The following CELF2 variants were observed in gnomAD, a reference collection of about 807,000 sequenced individuals.
CELF2 encodes CUG triplet repeat RNA-binding protein 2.
CELF2 carries 8 observed loss-of-function variants against 62.6 expected under a neutral mutation model. That is an observed-to-expected ratio of 0.13 (90% confidence interval 0.07 to 0.23). The LOEUF (loss-of-function observed/expected upper bound fraction) is 0.23, where lower values mean the gene tolerates loss of function less well. Ranked by LOEUF, CELF2 falls within the 10% of genes least tolerant of loss-of-function variation. The pLI, the probability that CELF2 is intolerant of heterozygous loss-of-function variation, is 1.00. For synonymous variants in CELF2, 258 were observed against 250.0 expected (o/e 1.03, Z -0.30); for missense variants, 333 against 671.0 (o/e 0.50, Z 5.56).
chr10:10,736,309 T>C, the CELF2 span, among the ~76,000 whole-genome samples: 1 of 152,120 alleles, frequency 6.6e-6, no homozygotes, highest in African/African-American at 2.4e-5. Flanking sequence ...GGTTTTGGTT[T>C]GTTTTTGGCT....
Position 11,290,176 on chromosome 10 carries a change from G to A in CELF2, c.976+1624G>A, listed in dbSNP as rs1224768280. 5.3e-5 allele frequency among the ~76,000 whole-genome samples: 8 copies of A among 152,098 alleles called. No individual in the cohort carries two copies. Among genetic ancestry groups the A allele is most frequent in the East Asian group, 1.9e-4 (1 of 5,192 alleles). On this transcript the variant is annotated intron_variant, in intron 9 of 12. Transcript: ENST00000633077. This position sits in a 1 kb window ranked among gnomAD's most constrained non-coding sequence, Gnocchi z 4.3. ...CAGGACAGATGTGCTGCCTACCTTCGGGAGTCCTTCAGTCCTTCAGGGACT... is the reference window on the plus strand; with the variant it reads ...CAGGACAGATGTGCTGCCTACCTTCAGGAGTCCTTCAGTCCTTCAGGGACT...
At chr10:11,027,181 T>C (rs1234161320) in intron 1 of CELF2, among the ~76,000 whole-genome samples, 1 of 152,248 alleles carries the variant, frequency 6.6e-6, no homozygotes, top group African/African-American at 2.4e-5. Context: ...TGAATGCTGC[T>C]GGCAGCTCTG....
At chr10:10,707,120 A>C in the CELF2 span, among the ~76,000 whole-genome samples, 1 of 152,186 alleles carries the variant, frequency 6.6e-6, no homozygotes, top group Non-Finnish European at 1.5e-5. Flanking sequence ...TCAATGTATC[A>C]ATCTGGCTTA....
At chr10:10,588,357 C>T in the CELF2 span, among the ~76,000 whole-genome samples, 1 of 152,192 alleles carries the variant, frequency 6.6e-6, no homozygotes, top group African/African-American at 2.4e-5. Context: ...AACCTTGTCC[C>T]ACACTGGCTG....
the CELF2 span, among the ~76,000 whole-genome samples, chr10:10,656,065 T>A: frequency 1.3e-5 from 2 of 148,874 alleles, no homozygotes; most frequent in Admixed American, 6.7e-5. Flanking sequence ...GCGAAGGACA[T>A]GAACAGACAC....
intron 3 of CELF2, among the ~76,000 whole-genome samples, chr10:11,232,339 A>G (rs1418505590): frequency 2.6e-5 from 4 of 152,204 alleles, no homozygotes; most frequent in Non-Finnish European, 5.9e-5. Flanking sequence ...TCAGTGACAC[A>G]TTTTTGGAGA....
chr10:11,264,159 A>G (rs1010293972), intron 5 of CELF2, among the ~76,000 whole-genome samples: 1 of 152,204 alleles, frequency 6.6e-6, no homozygotes, highest in African/African-American at 2.4e-5. Flanking sequence ...CATGTTTTTA[A>G]TTGCACGGTT....
At chr10:10,913,869 A>AGGAAGGAAGGAAGGAG (rs2064064449) in intron 1 of CELF2, among the ~76,000 whole-genome samples, 1 of 119,042 alleles carries the variant, frequency 8.4e-6, no homozygotes, top group Admixed American at 8.8e-5. Flanking sequence ...GAAGGAAGGA[A>AGGAAGGAAGGAAGGAG]GGAAGGAAGG....
chr10:10,464,111 C>G, the CELF2 span, among the ~76,000 whole-genome samples: 2 of 152,102 alleles, frequency 1.3e-5, no homozygotes, highest in Non-Finnish European at 2.9e-5. Flanking sequence ...AGCTCTGAAC[C>G]ATGCCGCCCC....
chr10:10,546,599 G>A, the CELF2 span, among the ~76,000 whole-genome samples: 1 of 152,096 alleles, frequency 6.6e-6, no homozygotes, highest in South Asian at 2.1e-4. Context: ...AAGGGTAGTG[G>A]GCCAGCTCAT....
chr10:10,670,772 A>C, the CELF2 span, among the ~76,000 whole-genome samples: 1 of 152,190 alleles, frequency 6.6e-6, no homozygotes, highest in African/African-American at 2.4e-5. Flanking sequence ...ACCCTTGACA[A>C]CCACACTAAT....
intron 2 of CELF2, among the ~76,000 whole-genome samples, chr10:11,187,125 C>A (rs2075152464): frequency 6.6e-6 from 1 of 152,120 alleles, no homozygotes; most frequent in Non-Finnish European, 1.5e-5. Flanking sequence ...CTTGTTCTAT[C>A]AGTTATTGAG....
At chr10:10,789,434 A>G in the CELF2 span, among the ~76,000 whole-genome samples, 12 of 152,234 alleles carry the variant, frequency 7.9e-5, no homozygotes, top group African/African-American at 2.9e-4. Flanking sequence ...TTATTAATAT[A>G]ATTAATACTA....
At chr10:10,553,660 A>G in the CELF2 span, among the ~76,000 whole-genome samples, 1 of 152,282 alleles carries the variant, frequency 6.6e-6, no homozygotes, top group Non-Finnish European at 1.5e-5. Flanking sequence ...GAAGTCAAAG[A>G]GGTCTTTCTC....
At chr10:10,780,241 A>G in the CELF2 span, among the ~76,000 whole-genome samples, 16 of 152,278 alleles carry the variant, frequency 1.1e-4, no homozygotes, top group South Asian at 3.1e-3. Context: ...GAGCCAACTA[A>G]CCATTTTATA....
At chr10:11,313,071 A>C (rs2094666895) in intron 9 of CELF2, among the ~76,000 whole-genome samples, 1 of 152,238 alleles carries the variant, frequency 6.6e-6, no homozygotes, top group South Asian at 2.1e-4. Flanking sequence ...AGATGTAGCC[A>C]AAATACAAAC....
chr10:11,260,048 G>A lies in CELF2; in HGVS notation c.538+2176G>A, dbSNP rs1478261218. ...TAGCGAAATCTATAATGGCTTAGGGGCCAGTGACCCCAAGTTCCAGACCCA... is the reference window on the plus strand; with the variant it reads ...TAGCGAAATCTATAATGGCTTAGGGACCAGTGACCCCAAGTTCCAGACCCA... On this transcript the variant is annotated intron_variant, in intron 5 of 12. Coordinates refer to ENST00000633077, the MANE Select transcript of CELF2 (RefSeq NM_001326342.2). This position sits in a 1 kb window ranked among gnomAD's most constrained non-coding sequence, Gnocchi z 4.2. 6.6e-6 allele frequency among the ~76,000 whole-genome samples: 1 copy of A among 152,164 alleles called. No individual in the cohort carries two copies. The highest frequency in any genetic ancestry group is 6.5e-5 in the Admixed American group (1 of 15,282).
intron 1 of CELF2, among the ~76,000 whole-genome samples, chr10:10,802,252 A>C (rs2054744009): frequency 6.6e-6 from 1 of 152,130 alleles, no homozygotes; most frequent in Admixed American, 6.5e-5. Context: ...CAGGCGGATC[A>C]TGAGGTCAAG....
At chr10:10,960,729 A>T (rs2049404517) in intron 2 of CELF2, among the ~76,000 whole-genome samples, 1 of 152,242 alleles carries the variant, frequency 6.6e-6, no homozygotes, top group Non-Finnish European at 1.5e-5. Context: ...GAGACTTCTT[A>T]TCAGAGCTGG....
Sources: allele counts gnomAD v4.1 joint callset (sites outside exome capture counted in the v4.1 genomes callset), GRCh38; gene constraint gnomAD v4.1.1; non-coding constraint Gnocchi (gnomAD v3.1); transcripts MANE v1.5; gene names NCBI Gene and HGNC (gene_info 2026-07-23, HGNC 2026-07-21).